The following ADGRB3 variants were observed in gnomAD, a reference collection of about 807,000 sequenced individuals.
ADGRB3 encodes the protein brain-specific angiogenesis inhibitor 3.
In ADGRB3, 37 loss-of-function variants were observed where a neutral mutation model predicts 193.4. That is an observed-to-expected ratio of 0.19 (90% CI 0.15 to 0.25). ADGRB3 has a LOEUF of 0.25. ADGRB3 is among the 10% of genes least tolerant of loss of function. ADGRB3 has a pLI of 1.00. For synonymous variants in ADGRB3, 690 were observed against 644.2 expected (o/e 1.07, Z -1.08); for missense variants, 1,637 against 1,852.9 (o/e 0.88, Z 2.14).
chr6:68,939,877 G>C (rs1010969342), intron 5 of ADGRB3, among the ~76,000 whole-genome samples: 1 of 151,966 alleles, frequency 6.6e-6, no homozygotes, highest in Non-Finnish European at 1.5e-5. Flanking sequence ...AATGTATTTG[G>C]CATTTAATTA....
intron 8 of ADGRB3, among the ~76,000 whole-genome samples, chr6:68,964,207 G>A (rs1383439176): frequency 6.6e-6 from 1 of 152,222 alleles, no homozygotes; most frequent in East Asian, 1.9e-4. Flanking sequence ...ATAAGTAATT[G>A]AGATATGGGA....
intron 3 of ADGRB3, among the ~76,000 whole-genome samples, chr6:68,649,027 G>A (rs2127279741): frequency 6.6e-6 from 1 of 152,150 alleles, no homozygotes; most frequent in South Asian, 2.1e-4. Context: ...AACTGTGTCA[G>A]TTACATATTA....
chr6:68,948,074 A>G (rs1418707764), intron 6 of ADGRB3, among the ~76,000 whole-genome samples: 2 of 152,176 alleles, frequency 1.3e-5, no homozygotes, highest in Non-Finnish European at 1.5e-5. Context: ...TGACAATTCT[A>G]TGGTTGGATA....
intron 20 of ADGRB3, among the ~76,000 whole-genome samples, chr6:69,303,339 G>A (rs977591444): frequency 3.9e-5 from 6 of 151,922 alleles, no homozygotes; most frequent in South Asian, 2.1e-4. Flanking sequence ...AAGTTACACC[G>A]AGTGTGCCTG....
chr6:69,325,092 T>G, intron 21 of ADGRB3, 70 bp downstream of exon 21: 1 of 1,504,874 alleles, frequency 6.6e-7, no homozygotes, highest in Non-Finnish European at 9.0e-7. Flanking sequence ...AAAGCAGTCA[T>G]GAGTGATTAG....
intron 31 of ADGRB3, among the ~76,000 whole-genome samples, chr6:69,384,776 T>A (rs1393111236): frequency 2.6e-5 from 4 of 151,924 alleles, no homozygotes; most frequent in Non-Finnish European, 5.9e-5. Context: ...CCTAAATATC[T>A]GAGAAGAGAG....
At chr6:68,903,935 C>A (rs1766466332) in intron 3 of ADGRB3, among the ~76,000 whole-genome samples, 1 of 145,004 alleles carries the variant, frequency 6.9e-6, no homozygotes. Context: ...GAGGTTTAGG[C>A]TGCAGTAAAC....
chr6:69,031,576 G>A (rs1283332129), intron 13 of ADGRB3, among the ~76,000 whole-genome samples: 2 of 3,294 alleles, frequency 6.1e-4, no homozygotes, highest in African/African-American at 1.3e-3. Flanking sequence ...TTCTTCCTCT[G>A]TCTCTGTCTC....
At chr6:68,985,082 TGAAATACA>T (rs541883909) in intron 10 of ADGRB3, among the ~76,000 whole-genome samples, 145 of 148,376 alleles carry the variant, frequency 9.8e-4, no homozygotes, top group African/African-American at 3.3e-3. Flanking sequence ...ACCTGAAGTC[TGAAATACA>T]GAATTTAGAG....
At chr6:68,882,182 C>A (rs929603765) in intron 3 of ADGRB3, among the ~76,000 whole-genome samples, 14 of 152,126 alleles carry the variant, frequency 9.2e-5, no homozygotes, top group African/African-American at 3.1e-4. Flanking sequence ...CTTACTTCTA[C>A]AGAAAATTAT....
intron 17 of ADGRB3, among the ~76,000 whole-genome samples, chr6:69,077,177 T>C (rs1772256559): frequency 2.0e-5 from 3 of 152,028 alleles, no homozygotes; most frequent in African/African-American, 4.8e-5. Context: ...CTTACTGATG[T>C]CATTATTATT....
intron 17 of ADGRB3, among the ~76,000 whole-genome samples, chr6:69,082,430 T>G (rs1192123711): frequency 1.3e-5 from 2 of 152,096 alleles, no homozygotes; most frequent in Non-Finnish European, 1.5e-5. Context: ...CGAATAATAT[T>G]GTTTCCTATC....
intron 30 of ADGRB3, among the ~76,000 whole-genome samples, chr6:69,380,043 C>T (rs1443671906): frequency 6.6e-6 from 1 of 151,954 alleles, no homozygotes; most frequent in Non-Finnish European, 1.5e-5. Flanking sequence ...ACTTTCATAG[C>T]AATCCAATTC....
chr6:69,275,066 G>A (rs1767272673), intron 20 of ADGRB3, among the ~76,000 whole-genome samples: 1 of 152,056 alleles, frequency 6.6e-6, no homozygotes. Context: ...ATTTTTAAAG[G>A]GAGCATTTTG....
rs752178634 is a variant in ADGRB3 at position 69,018,391 on chromosome 6, A to G, written c.1999A>G (p.Ile667Val). Residue 667 changes from isoleucine to valine, a missense_variant and splice_region_variant, in exon 13 of 32, where the codon ATT (isoleucine) becomes GTT (valine). Ile to Val is a conservative substitution (Grantham distance 29). Transcript: ENST00000370598. Reference sequence around the variant, plus strand: ...TTCTAACCTTTGCTTATTTTTCTAGATTTATCCAGGGTCAATAGAGTTAAT... The same window carrying G: ...TTCTAACCTTTGCTTATTTTTCTAGGTTTATCCAGGGTCAATAGAGTTAAT... ...NKEKWEDAQQ[I>V]YPGSIELMQV... 3.8e-6 allele frequency: 6 copies of G among 1,581,092 alleles called. No individual in the cohort carries two copies. In the Admixed American group the frequency reaches 8.6e-5, roughly 23 times the overall value.
chr6:68,913,674 C>T (rs13214543), intron 3 of ADGRB3, among the ~76,000 whole-genome samples: 59,873 of 152,004 alleles, frequency 0.39, 12,945 homozygotes, highest in Middle Eastern at 0.56. Context: ...TCACCAGCAA[C>T]GGAACAAAGC....
chr6:69,314,592 T>C (rs1768272755), intron 20 of ADGRB3, among the ~76,000 whole-genome samples: 1 of 151,632 alleles, frequency 6.6e-6, no homozygotes, highest in Non-Finnish European at 1.5e-5. Flanking sequence ...CTGTAACTTG[T>C]ATTTAATGAT....
intron 3 of ADGRB3, among the ~76,000 whole-genome samples, chr6:68,828,175 T>C (rs1432504871): frequency 3.4e-5 from 5 of 147,654 alleles, no homozygotes; most frequent in Non-Finnish European, 7.5e-5. Flanking sequence ...ACAAAGTAAA[T>C]AATACAGGTG....
intron 17 of ADGRB3, among the ~76,000 whole-genome samples, chr6:69,210,812 G>A (rs1765647550): frequency 6.6e-6 from 1 of 152,084 alleles, no homozygotes; most frequent in South Asian, 2.1e-4. Flanking sequence ...AATCTGCCTA[G>A]TCAATGAAAT....
Sources: allele counts gnomAD v4.1 joint callset (sites outside exome capture counted in the v4.1 genomes callset), GRCh38; gene constraint gnomAD v4.1.1; transcripts MANE v1.5; gene names NCBI Gene and HGNC (gene_info 2026-07-23, HGNC 2026-07-21).